The following PKD1 variants were observed in gnomAD, a reference collection of about 807,000 sequenced individuals.
PKD1 encodes the protein polycystin-1.
PKD1 carries 81 observed loss-of-function variants against 361.7 expected under a neutral mutation model. That is an observed-to-expected ratio of 0.22 (90% CI 0.19 to 0.27). The LOEUF is 0.27. PKD1 is among the 10% of genes least tolerant of loss of function. PKD1 has a pLI of 1.00. For synonymous variants in PKD1, 3,615 were observed against 2,818.3 expected, an observed-to-expected ratio of 1.28 and a Z score of -8.95; for missense variants, 6,399 against 6,118.3, an observed-to-expected ratio of 1.05 and a Z score of -1.53.
rs778760825 is a variant in PKD1, at chr16:2,109,394, C to T, written c.5773G>A (p.Gly1925Arg). ...CCGGGGAGCACCTCGGGGTTGGCCC[C>T]GCCGACCTGCAGGCGGAAGGTGACA... The part of the protein sequence containing the change: ...SAVTFRLQVG[G>R]ANPEVLPGPR... The change falls in exon 15 of 46, where the codon GGG (glycine) becomes AGG (arginine). Residue 1925 changes from glycine to arginine, a missense_variant. Transcript: ENST00000262304. The T allele has an allele frequency of 1.4e-5, 22 of 1,598,390 alleles. No individual in the cohort carries two copies. The highest frequency in any genetic ancestry group is 9.9e-5 in the South Asian group (9 of 90,890).
rs762278346 is a variant in PKD1 at position 2,118,248 on chromosome 16, G to A, written c.744C>T (p.Cys248=). Residue 248 remains cysteine (C), a synonymous_variant, in exon 5 of 46, where the codon TGC becomes TGT. Coordinates refer to ENST00000262304, the MANE Select transcript of PKD1 (RefSeq NM_001009944.3). The surrounding 1 kb of genome is among the most constrained non-coding windows in gnomAD (Gnocchi z 6.0). Reference sequence around the variant, plus strand: ...GGGCAGGAGGTGGCGGGGGGCCGGAGCAGAGGGACAGGCAGGCAAAGGAGG... The same window carrying A: ...GGGCAGGAGGTGGCGGGGGGCCGGAACAGAGGGACAGGCAGGCAAAGGAGG... ...SSASFACLSL[C]SGPPPPPAPT... is the part of the protein sequence containing the mutation. 1.3e-6 allele frequency: 2 copies of A among 1,531,918 alleles called. No homozygotes were observed. The highest frequency in any genetic ancestry group is 2.4e-5 in the South Asian group (2 of 84,366). 94.9% of individuals were successfully genotyped at this position (1,531,918 alleles called of 1,614,324 possible). A position where few individuals can be genotyped will look rare whatever the true frequency, so the allele number is the denominator to read the frequency against.
At position 2,090,909 on chromosome 16, in the gene PKD1, G is replaced by A. The variant is rs775512866; in HGVS notation, c.11978C>T (p.Ser3993Leu). Residue 3993 changes from serine (S) to leucine (L), a missense_variant, in exon 43 of 46, where the codon TCG (serine) becomes TTG (leucine). Transcript: ENST00000262304. ...LSSAARGLAA[S>L]LLFLLLVKAA... Reference sequence around the variant, plus strand: ...CTTGACCAAAAGCAGGAAGAGCAGCGAGGCCGCCAGGCCACGGGCTGCGGA... The same window carrying A: ...CTTGACCAAAAGCAGGAAGAGCAGCAAGGCCGCCAGGCCACGGGCTGCGGA... 55 of 1,593,794 alleles carry A rather than the reference G, an allele frequency of 3.5e-5. 2 individuals carry two copies. Among genetic ancestry groups the A allele is most frequent in the Admixed American group, 2.4e-4 (14 of 58,748 alleles).
intron 32 of PKD1, 53 bp from the exon 33 acceptor site, chr16:2,097,556 C>G: frequency 5.6e-6 from 9 of 1,604,064 alleles, no homozygotes; most frequent in Non-Finnish European, 7.6e-6. Flanking sequence ...CACACACAGC[C>G]CACCCCCGTC....
chr16:2,089,880 C>A lies in PKD1; in HGVS notation c.12759G>T (p.Arg4253=), dbSNP rs1437262392. The change falls in exon 46 of 46, where the codon CGG becomes CGT. Residue 4253 remains arginine (R), a synonymous_variant. Transcript: ENST00000262304. ...LHSLQGRRSS[R]APAGSSRGPS... ...GGCCACGGGAAGATCCGGCGGGCGC[C>A]CGGCTGCTCCTGCGGCCTTGCAGGC... 1 of 1,610,192 alleles carries A rather than the reference C, an allele frequency of 6.2e-7. No individual in the cohort carries two copies. The highest frequency in any genetic ancestry group is 1.3e-5 in the African/African-American group (1 of 74,914).
rs780119305 is a variant in PKD1 at position 2,111,284 on chromosome 16, C to G, written c.3883G>C (p.Glu1295Gln). 1 of 1,609,580 alleles carries G rather than the reference C, an allele frequency of 6.2e-7. No individual in the cohort carries two copies. Among genetic ancestry groups the G allele is most frequent in the East Asian group, 2.2e-5 (1 of 44,864 alleles). Residue 1295 changes from glutamate to glutamine, a missense_variant, in exon 15 of 46, where the codon GAG becomes CAG. By Grantham distance (29) the Glu-to-Gln change is conservative. Transcript: ENST00000262304. Reference sequence around the variant, plus strand: ...GCGGCGGGTTCAACGCGCAGCACCTCCAGGACGAAGACCAGCACGTGCAGG... The same window carrying G: ...GCGGCGGGTTCAACGCGCAGCACCTGCAGGACGAAGACCAGCACGTGCAGG... ...RSLHVLVFVL[E>Q]VLRVEPAACI...
chr16:2,090,244 CCCAGGGCG>C lies in PKD1; in HGVS notation c.12444+33_12444+40del, dbSNP rs767596800. The C allele has an allele frequency of 2.5e-6, 4 of 1,609,006 alleles. No homozygotes were observed. The African/African-American group carries it at 5.3e-5, about 22-fold the overall frequency. On this transcript the variant is annotated intron_variant, in intron 45 of 45. Coordinates refer to ENST00000262304, the MANE Select transcript of PKD1 (RefSeq NM_001009944.3). ...CAGTCCGGCTGCACCCTGGGCAGAG[CCCAGGGCG>C]TGTCCCTCTCCCCCCCACTGGGCCG...
rs373620484 is a variant in PKD1, at chr16:2,117,539, T to C, written c.1335A>G (p.Ala445=). The change falls in exon 6 of 46, where the codon GCA becomes GCG. Residue 445 remains alanine, a synonymous_variant. Coordinates refer to ENST00000262304, the MANE Select transcript of PKD1 (RefSeq NM_001009944.3). ...GCTGCACGGCGGGACTGTCCACCAT[T>C]GCCAGGGCGGCCCCGGCCCAGGCCT... The part of the protein sequence containing the change: ...QCQAWAGAAL[A]MVDSPAVQRF... 8.9e-5 allele frequency: 142 copies of C among 1,597,044 alleles called. No homozygotes were observed. The African/African-American group carries it at 1.5e-3, about 17-fold the overall frequency.
chr16:2,096,840 G>A (rs773301147), intron 34 of PKD1: 40 of 456,424 alleles, frequency 8.8e-5, no homozygotes, highest in Middle Eastern at 1.2e-3. Flanking sequence ...TTAAAAACCC[G>A]CCCATAATTT....
chr16:2,092,779 A>T (rs976016145), intron 38 of PKD1, 175 bp downstream of exon 38: 1 of 860,448 alleles, frequency 1.2e-6, no homozygotes, highest in African/African-American at 1.7e-5. Context: ...CGTCCTGTGC[A>T]CTGCAAGACA....
At chr16:2,102,342 C>T (rs1396886487) in intron 25 of PKD1, 39 bp downstream of exon 25, 17 of 1,546,138 alleles carry the variant, frequency 1.1e-5, no homozygotes, top group East Asian at 2.4e-5. Flanking sequence ...AGGCCCTCCT[C>T]GACTCTGCAG....
At position 2,114,925 on chromosome 16, in the gene PKD1, C is replaced by T. The variant is rs1397923734; in HGVS notation, c.2098G>A (p.Val700Ile). Residue 700 changes from valine (V) to isoleucine (I), a missense_variant and splice_region_variant, in exon 11 of 46, where the codon GTC becomes ATC. Val to Ile is a conservative substitution (Grantham distance 29). Transcript: ENST00000262304. ...VPAGPPAQYS[V>I]TLHGQDVLML... is the part of the protein sequence containing the mutation. ...AGGACATCCTGGCCGTGGAGGGTGACCTGTGGAGAGGGAGGCAGGGCTGCA... is the reference window on the plus strand; with the variant it reads ...AGGACATCCTGGCCGTGGAGGGTGATCTGTGGAGAGGGAGGCAGGGCTGCA... 3.3e-6 allele frequency: 5 copies of T among 1,530,814 alleles called. No individual in the cohort carries two copies. The highest frequency in any genetic ancestry group is 3.5e-6 in the Non-Finnish European group (4 of 1,143,062). The allele number at this position is 1,530,814 out of a possible 1,614,324, so 94.8% of individuals were successfully genotyped here. A position where few individuals can be genotyped will look rare whatever the true frequency, so the allele number is the denominator to read the frequency against.
chr16:2,118,967 C>T lies in PKD1; in HGVS notation c.360-122G>A, dbSNP rs1306779791. 2.2e-5 allele frequency: 18 copies of T among 821,040 alleles called. No individual in the cohort carries two copies. Among genetic ancestry groups the T allele is most frequent in the African/African-American group, 1.7e-5 (1 of 59,312 alleles). The allele number at this position is 821,040 out of a possible 1,614,324, so 50.9% of individuals were successfully genotyped here. ...ACCGCCTCCCCTGCCCCAACCAAGC[C>T]GGCACTGGGGGGCTCCAAGCAGGCA... On this transcript the variant is annotated intron_variant, in intron 3 of 45. Coordinates refer to ENST00000262304, the MANE Select transcript of PKD1 (RefSeq NM_001009944.3). The surrounding 1 kb of genome is among the most constrained non-coding windows in gnomAD (Gnocchi z 6.0).
chr16:2,090,701 C>G lies in PKD1; in HGVS notation c.12111G>C (p.Gly4037=), dbSNP rs779835697. 3.7e-6 allele frequency: 6 copies of G among 1,612,456 alleles called. No individual in the cohort carries two copies. In the Admixed American group the frequency reaches 6.7e-5, roughly 18 times the overall value. ...GGATGGCCAGCTGGGCGTAGGCTAC[C>G]CCGAGCACCACCAGGCCCAAGGTGA... ...LGVTLGLVVL[G]VAYAQLAILL... The change falls in exon 44 of 46, where the codon GGG becomes GGC. Residue 4037 remains glycine (G), a synonymous_variant. Transcript: ENST00000262304.
At position 2,089,821 on chromosome 16, in the gene PKD1, C is replaced by CGGCT. The variant is rs1277406640; in HGVS notation, c.12814_12817dup (p.Arg4273GlnfsTer114). Reference sequence around the variant, plus strand: ...CACACCCCGACTGGCCCGGGCAAGGCGGCTGGGCAGTGCTGGCCGCAGGCC... The same window carrying CGGCT: ...CACACCCCGACTGGCCCGGGCAAGGCGGCTGGCTGGGCAGTGCTGGCCGCAGGCC... On this transcript the variant is annotated frameshift_variant, in exon 46 of 46. Coordinates refer to ENST00000262304, the MANE Select transcript of PKD1 (RefSeq NM_001009944.3). LOFTEE classifies it high-confidence loss of function. The CGGCT allele has an allele frequency of 6.2e-7, 1 of 1,602,234 alleles. No homozygotes were observed. The highest frequency in any genetic ancestry group is 1.3e-5 in the African/African-American group (1 of 74,798).
rs369625462 is a variant in PKD1, at chr16:2,109,883, T to C, written c.5284A>G (p.Thr1762Ala). 6 of 1,609,922 alleles carry C rather than the reference T, an allele frequency of 3.7e-6. No individual in the cohort carries two copies. The highest frequency in any genetic ancestry group is 1.1e-5 in the South Asian group (1 of 90,948). Residue 1762 changes from threonine to alanine, a missense_variant, in exon 15 of 46, where the codon ACC (threonine) becomes GCC (alanine). By Grantham distance (58) the Thr-to-Ala change is moderately conservative. Transcript: ENST00000262304. ...WSLEEGLSWE[T>A]SEPFTTHSFP... ...CTATGGGTGGTAAATGGCTCGGAGGTCTCCCAGCTCAGCCCCTCCTCCAAG... is the reference window on the plus strand; with the variant it reads ...CTATGGGTGGTAAATGGCTCGGAGGCCTCCCAGCTCAGCCCCTCCTCCAAG...
chr16:2,115,360 C>T lies in PKD1; in HGVS notation c.2097+18G>A. 1 of 1,491,072 alleles carries T rather than the reference C, an allele frequency of 6.7e-7. No homozygotes were observed. The highest frequency in any genetic ancestry group is 9.1e-7 in the Non-Finnish European group (1 of 1,094,980). The allele number at this position is 1,491,072 out of a possible 1,614,324, so 92.4% of individuals were successfully genotyped here. ...CCTGAGGAGATGCAGGGAACAGACC[C>T]AGGTCAGGGCCACACACCGAGTACT... On this transcript the variant is annotated intron_variant, in intron 10 of 45. Coordinates refer to ENST00000262304, the MANE Select transcript of PKD1 (RefSeq NM_001009944.3).
At chr16:2,113,791 C>A (rs2092579587) in intron 11 of PKD1, 2 of 397,116 alleles carry the variant, frequency 5.0e-6, no homozygotes, top group East Asian at 1.1e-4. Context: ...CATGGTGGCA[C>A]CGCGGGCAGC....
At chr16:2,115,921 G>A (rs2092625924) in intron 9 of PKD1, 71 bp downstream of exon 9, 10 of 1,510,088 alleles carry the variant, frequency 6.6e-6, no homozygotes, top group Middle Eastern at 2.3e-4. Flanking sequence ...ACCAGCAGAC[G>A]TGAAAGCTCA....
intron 20 of PKD1, 117 bp from the exon 21 acceptor site, chr16:2,105,591 A>C: frequency 6.3e-7 from 1 of 1,589,108 alleles, no homozygotes; most frequent in East Asian, 2.2e-5. Context: ...TGATGCGGGC[A>C]CTGACCCACA....
Sources: gnomAD v4.1 joint callset for allele counts on GRCh38, gnomAD v4.1.1 for gene constraint, Gnocchi (gnomAD v3.1) non-coding constraint, MANE v1.5 for transcripts, NCBI Gene and HGNC (gene_info 2026-07-23, HGNC 2026-07-21) for gene names.